Variants in MEI1 observed in about 807,000 individuals in gnomAD.
MEI1 encodes meiotic double-stranded break formation protein 1.
Under a neutral mutation model 146.2 loss-of-function variants are expected in MEI1, and 103 were observed. The observed-to-expected ratio is 0.70, with a 90% CI of 0.60 to 0.83. MEI1 has a LOEUF of 0.83. Ranked by LOEUF, MEI1 falls within the 40% of genes least tolerant of loss-of-function variation. The pLI, the probability that MEI1 is intolerant of heterozygous loss-of-function variation, is 0.00. For synonymous variants in MEI1, 652 were observed against 628.2 expected, an observed-to-expected ratio of 1.04 and a Z score of -0.57; for missense variants, 1,529 against 1,533.0, an observed-to-expected ratio of 1.00 and a Z score of 0.04.
chr22:41,731,198 C>T (rs1756027858), intron 9 of MEI1, among the ~76,000 whole-genome samples: 1 of 151,872 alleles, frequency 6.6e-6, no homozygotes, highest in Non-Finnish European at 1.5e-5. Flanking sequence ...GGATTACAGG[C>T]ATGTGCCACC....
intron 3 of MEI1, among the ~76,000 whole-genome samples, chr22:41,707,089 G>C (rs1312689354): frequency 6.6e-6 from 1 of 151,662 alleles, no homozygotes; most frequent in South Asian, 2.1e-4. Context: ...TGTAATCCCA[G>C]CTACTTGGGA....
intron 18 of MEI1, among the ~76,000 whole-genome samples, chr22:41,760,927 C>G (rs1348311060): frequency 6.6e-6 from 1 of 151,572 alleles, no homozygotes; most frequent in African/African-American, 2.4e-5. Context: ...TTGGGCCTGG[C>G]GCCGGGCTGC....
chr22:41,703,283 T>C (rs746573115), intron 1 of MEI1, 48 bp from the exon 2 acceptor site: 4 of 1,595,564 alleles, frequency 2.5e-6, no homozygotes, highest in South Asian at 2.3e-5. Context: ...GGATTCAGAA[T>C]AGCCAAAATT....
rs908726897 is a variant in MEI1 at position 41,730,767 on chromosome 22, C to T, written c.1096+130C>T. On this transcript the variant is annotated intron_variant, in intron 9 of 30. Coordinates refer to ENST00000401548, the MANE Select transcript of MEI1 (RefSeq NM_152513.4). Reference sequence around the variant, plus strand: ...CACTGAGTCTAGACATTTCATCAGCCCAAACTCATTACCAGATTTCATATG... The same window carrying T: ...CACTGAGTCTAGACATTTCATCAGCTCAAACTCATTACCAGATTTCATATG... 11 of 616,954 alleles carry T rather than the reference C, an allele frequency of 1.8e-5. 1 individual carries two copies. Among genetic ancestry groups the T allele is most frequent in the Middle Eastern group, 4.3e-4 (1 of 2,302 alleles). The allele number at this position is 616,954 out of a possible 1,614,324, so 38.2% of individuals were successfully genotyped here.
chr22:41,718,228 C>T lies in MEI1; in HGVS notation c.687C>T (p.Ser229=). The change falls in exon 6 of 31, where the codon TCC becomes TCT. Residue 229 remains serine (S), a synonymous_variant. Coordinates refer to ENST00000401548, the MANE Select transcript of MEI1 (RefSeq NM_152513.4). Reference sequence around the variant, plus strand: ...AGAAGCTTTTTCCCCTCTTCCTTTCCATCCTGGATGGTGCCCAGACAAAGG... The same window carrying T: ...AGAAGCTTTTTCCCCTCTTCCTTTCTATCCTGGATGGTGCCCAGACAAAGG... The part of the protein sequence containing the change: ...FREKLFPLFL[S]ILDGAQTKEL... 2 of 1,613,956 alleles carry T rather than the reference C, an allele frequency of 1.2e-6. No individual in the cohort carries two copies. The highest frequency in any genetic ancestry group is 1.7e-6 in the Non-Finnish European group (2 of 1,179,880).
At chr22:41,770,222 C>T (rs1456832197) in intron 19 of MEI1, among the ~76,000 whole-genome samples, 1 of 152,120 alleles carries the variant, frequency 6.6e-6, no homozygotes, top group Non-Finnish European at 1.5e-5. Flanking sequence ...TAATCTGCCA[C>T]AGTCCCTACC....
intron 24 of MEI1, among the ~76,000 whole-genome samples, chr22:41,783,654 G>A (rs1323815232): frequency 6.6e-6 from 1 of 152,004 alleles, no homozygotes; most frequent in African/African-American, 2.4e-5. Flanking sequence ...ACTTGCCCAA[G>A]GCCATACAGC....
chr22:41,703,859 G>A (rs1036396310), intron 2 of MEI1, among the ~76,000 whole-genome samples: 2 of 152,286 alleles, frequency 1.3e-5, no homozygotes, highest in South Asian at 2.1e-4. Context: ...GGTGGCGCGT[G>A]CCTGTAGTCC....
At position 41,770,892 on chromosome 22, in the gene MEI1, C is replaced by A. The variant is rs757050973; in HGVS notation, c.2475C>A (p.Ala825=). The change falls in exon 20 of 31, where the codon GCC becomes GCA. Residue 825 remains alanine, a synonymous_variant. Coordinates refer to ENST00000401548, the MANE Select transcript of MEI1 (RefSeq NM_152513.4). The part of the protein sequence containing the change: ...LDDVTSAGQP[A]LPASLVVLFQ... ...ATGTCACCTCTGCTGGGCAGCCCGC[C>A]CTTCCTGCCAGCTTAGTAGTCCTGT... is the stretch of plus-strand genomic sequence containing the variant. The A allele has an allele frequency of 1.1e-5, 18 of 1,614,058 alleles. No homozygotes were observed. The highest frequency in any genetic ancestry group is 1.5e-5 in the Non-Finnish European group (18 of 1,179,904).
chr22:41,747,113 G>A (rs1050535477), intron 14 of MEI1, among the ~76,000 whole-genome samples: 2 of 151,882 alleles, frequency 1.3e-5, no homozygotes, highest in South Asian at 2.1e-4. Flanking sequence ...GTGTCAACAA[G>A]AACAGTGCCT....
intron 3 of MEI1, among the ~76,000 whole-genome samples, chr22:41,711,406 C>T (rs777000591): frequency 9.9e-5 from 15 of 152,190 alleles, no homozygotes; most frequent in Non-Finnish European, 1.9e-4. Flanking sequence ...TTCTTGACCT[C>T]ATGATCCGTT....
chr22:41,718,031 T>C (rs764214059), intron 5 of MEI1, 40 bp from the exon 6 acceptor site: 1 of 1,504,978 alleles, frequency 6.6e-7, no homozygotes, highest in East Asian at 2.3e-5. Context: ...CAGTTGACAT[T>C]GTGAAATTTC....
chr22:41,720,362 C>T (rs2070655907), intron 6 of MEI1, among the ~76,000 whole-genome samples: 2 of 152,076 alleles, frequency 1.3e-5, no homozygotes, highest in African/African-American at 4.8e-5. Flanking sequence ...CTACAGCTCA[C>T]CTAACCACAG....
chr22:41,707,768 C>T (rs953990857), intron 3 of MEI1, among the ~76,000 whole-genome samples: 1 of 152,208 alleles, frequency 6.6e-6, no homozygotes, highest in African/African-American at 2.4e-5. Context: ...ATCCCTTCTT[C>T]CTATAGCCTT....
At chr22:41,776,621 G>T (rs879303307) in intron 21 of MEI1, among the ~76,000 whole-genome samples, 18 of 152,104 alleles carry the variant, frequency 1.2e-4, no homozygotes, top group African/African-American at 4.3e-4. Context: ...GCAGCAGTCC[G>T]CAGGGGCTGG....
In MEI1 at chr22:41,738,326, T is replaced by C. The variant is rs540896948; in HGVS notation, c.1332-4754T>C. On this transcript the variant is annotated intron_variant, in intron 11 of 30. Coordinates refer to ENST00000401548, the MANE Select transcript of MEI1 (RefSeq NM_152513.4). ...AAATTAGGCTGGGTGTGGTGGCTCATGCCTGTAATCCCAGCACTTTGGGAG... is the reference window on the plus strand; with the variant it reads ...AAATTAGGCTGGGTGTGGTGGCTCACGCCTGTAATCCCAGCACTTTGGGAG... 2.6e-5 allele frequency among the ~76,000 whole-genome samples: 4 copies of C among 151,706 alleles called. No homozygotes were observed. In the South Asian group the frequency reaches 8.3e-4, roughly 32 times the overall value.
At chr22:41,793,049 T>C (rs12170144) in intron 26 of MEI1, among the ~76,000 whole-genome samples, 16,602 of 132,014 alleles carry the variant, frequency 0.13, 3,266 homozygotes, top group African/African-American at 0.45. Context: ...TTTTTTTTTT[T>C]TTTTTTTTTT....
chr22:41,737,355 G>T (rs936645882), intron 11 of MEI1, among the ~76,000 whole-genome samples: 14 of 151,712 alleles, frequency 9.2e-5, no homozygotes, highest in Admixed American at 7.2e-4. Context: ...TCCTGCCTCA[G>T]TCTCCTGAGT....
chr22:41,784,245 TG>T, intron 24 of MEI1, 93 bp from the exon 25 acceptor site: 6 of 1,069,638 alleles, frequency 5.6e-6, no homozygotes, highest in African/African-American at 3.1e-5. Context: ...AGTGGATATG[TG>T]GGGGGAGGTG....
Sources: allele counts gnomAD v4.1 joint callset (sites outside exome capture counted in the v4.1 genomes callset), GRCh38; gene constraint gnomAD v4.1.1; transcripts MANE v1.5; gene names NCBI Gene and HGNC (gene_info 2026-07-23, HGNC 2026-07-21).